TTC27: variants seen among roughly 807,000 people sequenced by gnomAD.
The protein encoded by TTC27 is tetratricopeptide repeat domain 27.
A neutral mutation model predicts 115.9 loss-of-function variants in TTC27; 79 were observed. That is an observed-to-expected ratio of 0.68 (90% CI 0.57 to 0.82). The LOEUF (loss-of-function observed/expected upper bound fraction) is 0.82. Among genes scored for constraint, TTC27 ranks in the 40% least tolerant of loss-of-function variants. TTC27 has a pLI of 0.00. For synonymous variants in TTC27, 401 were observed against 356.0 expected (o/e 1.13, Z -1.42); for missense variants, 1,054 against 993.1 (o/e 1.06, Z -0.82).
chr2:32,630,608 A>T lies in TTC27; in HGVS notation c.174A>T (p.Ser58=), dbSNP rs576237126. The T allele has an allele frequency of 2.5e-6, 4 of 1,613,740 alleles. No homozygotes were observed. Among genetic ancestry groups the T allele is most frequent in the Admixed American group, 3.3e-5 (2 of 59,960 alleles). ...CAATGACTCAAAATATTTTTAATTC[A>T]ACAACAACCGCTGAAGAAAAGATTG... is the stretch of plus-strand genomic sequence containing the variant. ...LNSMTQNIFN[S]TTTAEEKIDS... is the part of the protein sequence containing the mutation. The change falls in exon 2 of 20, where the codon TCA becomes TCT. Residue 58 remains serine, a synonymous_variant. Coordinates refer to ENST00000317907, the MANE Select transcript of TTC27 (RefSeq NM_017735.5).
chr2:32,741,263 C>T (rs1668625244), intron 12 of TTC27, among the ~76,000 whole-genome samples: 1 of 152,172 alleles, frequency 6.6e-6, no homozygotes, highest in Non-Finnish European at 1.5e-5. Flanking sequence ...CACCTGTGTA[C>T]TCCTATGGCA....
intron 4 of TTC27, among the ~76,000 whole-genome samples, chr2:32,642,355 G>A (rs1005265709): frequency 2.8e-5 from 4 of 144,528 alleles, no homozygotes; most frequent in South Asian, 2.2e-4. Flanking sequence ...AGGTTCAAGC[G>A]ATTCTCATGC....
At chr2:32,704,183 AT>A (rs982098569) in intron 10 of TTC27, among the ~76,000 whole-genome samples, 31 of 148,690 alleles carry the variant, frequency 2.1e-4, no homozygotes, top group African/African-American at 6.1e-4. Flanking sequence ...AATGAAAGTG[AT>A]TTTTTTTTTT....
intron 5 of TTC27, among the ~76,000 whole-genome samples, chr2:32,659,333 C>G (rs565379120): frequency 3.3e-4 from 47 of 143,978 alleles, no homozygotes; most frequent in Non-Finnish European, 5.3e-4. Flanking sequence ...ATATCGTCTT[C>G]ATCAGATTTT....
chr2:32,761,256 G>T lies in TTC27; in HGVS notation c.1680+2737G>T, dbSNP rs117328995. On this transcript the variant is annotated intron_variant, in intron 13 of 19. Coordinates refer to ENST00000317907, the MANE Select transcript of TTC27 (RefSeq NM_017735.5). ...TTACCCGTATACCCCACATCTAATC[G>T]ATCAGCAAGTCCTAGCAGATCTGCC... Among the ~76,000 whole-genome samples, 56 of 152,086 alleles carry T rather than the reference G, an allele frequency of 3.7e-4. 1 individual carries two copies. The East Asian group carries it at 7.9e-3, about 22-fold the overall frequency.
chr2:32,632,817 A>G (rs924087804), intron 2 of TTC27, among the ~76,000 whole-genome samples: 1 of 152,118 alleles, frequency 6.6e-6, no homozygotes. Flanking sequence ...ATCTGTACCT[A>G]TTTAGATCCT....
chr2:32,788,734 T>C (rs578183581), intron 16 of TTC27, among the ~76,000 whole-genome samples: 1 of 152,202 alleles, frequency 6.6e-6, no homozygotes, highest in Non-Finnish European at 1.5e-5. Flanking sequence ...CTGGTCATCC[T>C]TTCATGCTTG....
intron 9 of TTC27, among the ~76,000 whole-genome samples, chr2:32,699,741 C>T (rs945623085): frequency 1.3e-5 from 2 of 152,192 alleles, no homozygotes; most frequent in Admixed American, 6.5e-5. Flanking sequence ...GCCAAATAGA[C>T]ATCATCACAT....
intron 6 of TTC27, among the ~76,000 whole-genome samples, chr2:32,664,828 C>T (rs1018687468): frequency 6.6e-6 from 1 of 150,616 alleles, no homozygotes; most frequent in Non-Finnish European, 1.5e-5. Flanking sequence ...CTATTCTTTC[C>T]ATCTTGCTTT....
intron 10 of TTC27, among the ~76,000 whole-genome samples, chr2:32,716,025 G>T (rs1667743311): frequency 6.6e-6 from 1 of 152,030 alleles, no homozygotes; most frequent in Admixed American, 6.5e-5. Context: ...AAGCAATATA[G>T]AAGTGGAAAG....
chr2:32,746,933 T>C (rs1405335859), intron 12 of TTC27, among the ~76,000 whole-genome samples: 1 of 152,114 alleles, frequency 6.6e-6, no homozygotes, highest in Non-Finnish European at 1.5e-5. Flanking sequence ...AGGTATAAGA[T>C]CTCAGGGAGA....
intron 16 of TTC27, among the ~76,000 whole-genome samples, chr2:32,806,148 T>C (rs1194109797): frequency 2.0e-5 from 3 of 152,218 alleles, no homozygotes; most frequent in African/African-American, 7.2e-5. Context: ...TGTAGTAATT[T>C]ATAGTTTTGA....
At chr2:32,649,350 G>A (rs1022324480) in intron 4 of TTC27, among the ~76,000 whole-genome samples, 1 of 151,708 alleles carries the variant, frequency 6.6e-6, no homozygotes, top group East Asian at 1.9e-4. Flanking sequence ...GGTAGTAGAC[G>A]GTGAACAACA....
chr2:32,638,978 A>G (rs200173886), intron 3 of TTC27, among the ~76,000 whole-genome samples: 169 of 152,034 alleles, frequency 1.1e-3, no homozygotes, highest in East Asian at 6.8e-3. Context: ...GACTACAGGC[A>G]CCCACCACCA....
intron 4 of TTC27, among the ~76,000 whole-genome samples, chr2:32,641,820 A>C (rs1385855951): frequency 1.3e-5 from 2 of 151,954 alleles, no homozygotes; most frequent in Non-Finnish European, 2.9e-5. Flanking sequence ...CTGGGATTAC[A>C]GGCATGCGTC....
Position 32,806,163 on chromosome 2 carries a change from T to C in TTC27, c.1999-4861T>C, listed in dbSNP as rs1428922860. Among the ~76,000 whole-genome samples the C allele has an allele frequency of 3.3e-5, 5 of 152,346 alleles. No individual in the cohort carries two copies. The East Asian group carries it at 9.6e-4, about 29-fold the overall frequency. ...TGTAGTAATTTATAGTTTTGACTTG[T>C]TGCTGATAGGTTAATTACTTATAAC... On this transcript the variant is annotated intron_variant, in intron 16 of 19. Transcript: ENST00000317907.
chr2:32,673,237 T>C (rs1340968255), intron 8 of TTC27, among the ~76,000 whole-genome samples: 1 of 151,780 alleles, frequency 6.6e-6, no homozygotes, highest in Non-Finnish European at 1.5e-5. Flanking sequence ...TTTTTTTTTT[T>C]TCCTAAGATG....
intron 3 of TTC27, among the ~76,000 whole-genome samples, chr2:32,635,829 T>G (rs778126269): frequency 4.6e-5 from 7 of 152,208 alleles, no homozygotes; most frequent in Non-Finnish European, 8.8e-5. Context: ...TAATTAACTC[T>G]TTGCATATCA....
intron 9 of TTC27, among the ~76,000 whole-genome samples, chr2:32,689,248 G>A (rs894203806): frequency 1.3e-5 from 2 of 152,074 alleles, no homozygotes; most frequent in African/African-American, 4.8e-5. Context: ...TTTAATAGTG[G>A]TTATATAGGT....
Sources: allele counts gnomAD v4.1 joint callset (sites outside exome capture counted in the v4.1 genomes callset), GRCh38; gene constraint gnomAD v4.1.1; transcripts MANE v1.5; gene names NCBI Gene and HGNC (gene_info 2026-07-23, HGNC 2026-07-21).